The following ECM1 variants were observed in gnomAD, a reference collection of about 807,000 sequenced individuals.
ECM1 encodes secretory component p85.
Under a neutral mutation model 57.9 loss-of-function variants are expected in ECM1, and 54 were observed. The ratio of observed to expected loss-of-function variants is 0.93; its 90% CI spans 0.75 to 1.17. The LOEUF is 1.17. Ranked by LOEUF, ECM1 falls within the 50% of genes most tolerant of loss-of-function variation. ECM1 has a pLI of 0.00. For missense variants in ECM1, 649 were observed against 688.1 expected (o/e 0.94, Z 0.64); for synonymous variants, 237 against 259.1 (o/e 0.91, Z 0.82).
At chr1:150,510,276 C>A in intron 5 of ECM1, 94 bp downstream of exon 5, 1 of 1,176,628 alleles carries the variant, frequency 8.5e-7, no homozygotes, top group Non-Finnish European at 1.3e-6. Flanking sequence ...GGCTCTGCCA[C>A]TCACCAGTTG....
chr1:150,510,013 G>T lies in ECM1; in HGVS notation c.304+11G>T. On this transcript the variant is annotated intron_variant, in intron 4 of 9. Transcript: ENST00000369047. ...CTGCTGAAAAGGAAGGTGAGCGCTT[G>T]CCCACCCTCCCTCACCTCTATCCCA... The T allele has an allele frequency of 6.2e-7, 1 of 1,614,106 alleles. No homozygotes were observed. The highest frequency in any genetic ancestry group is 8.5e-7 in the Non-Finnish European group (1 of 1,180,000).
rs1250043173 is a variant in ECM1, at chr1:150,513,275, TA to T, written c.1433del (p.Asn478ThrfsTer12). On this transcript the variant is annotated frameshift_variant, in exon 10 of 10. Transcript: ENST00000369047. LOFTEE classifies it high-confidence loss of function. ...FINDLCGPRR[N>X]IWRDPALCCY... The stretch of plus-strand genomic sequence containing the variant: ...TCAATGATCTGTGTGGTCCCCGACG[TA>T]ACATCTGGCGAGACCCTGCCCTCTG... 1.2e-6 allele frequency: 2 copies of T among 1,614,110 alleles called. No homozygotes were observed. The highest frequency in any genetic ancestry group is 1.7e-6 in the Non-Finnish European group (2 of 1,180,038).
At position 150,511,480 on chromosome 1, in the gene ECM1, CTG is replaced by C. The variant is rs757039185; in HGVS notation, c.735_736del (p.Cys245Ter). The C allele has an allele frequency of 1.2e-6, 2 of 1,614,160 alleles. No homozygotes were observed. Among genetic ancestry groups the C allele is most frequent in the Non-Finnish European group, 8.5e-7 (1 of 1,179,994 alleles). On this transcript the variant is annotated frameshift_variant, in exon 7 of 10. Coordinates refer to ENST00000369047, the MANE Select transcript of ECM1 (RefSeq NM_004425.4). LOFTEE classifies it high-confidence loss of function. ...AGTGGGAGGAAGCAATGAGCCGATT[CTG>C]TGAGGCCGAGTTCTCGGTCAAGACC... ...LVWEEAMSRFCEAEFSVKTRP... is the reference protein window; with the variant it reads ...LVWEEAMSRFXEAEFSVKTRP...
Position 150,511,613 on chromosome 1 carries a change from C to T in ECM1, c.865C>T (p.Pro289Ser), listed in dbSNP as rs910060517. 1.3e-5 allele frequency: 21 copies of T among 1,614,184 alleles called. No homozygotes were observed. The highest frequency in any genetic ancestry group is 1.8e-5 in the Non-Finnish European group (21 of 1,180,034). Residue 289 changes from proline to serine, a missense_variant, in exon 7 of 10, where the codon CCT becomes TCT. Physicochemically the swap from Pro to Ser is moderately conservative, Grantham distance 74 (BLOSUM62 -1). Coordinates refer to ENST00000369047, the MANE Select transcript of ECM1 (RefSeq NM_004425.4). ...GCTCCGGGCCTGCCCCAGCCATCAG[C>T]CTGATATTTCCTCGGGTCTTGAGCT... ...YQLRACPSHQPDISSGLELPF... is the reference protein window; with the variant it reads ...YQLRACPSHQSDISSGLELPF...
chr1:150,511,879 C>A, intron 7 of ECM1, 48 bp downstream of exon 7: 1 of 1,561,918 alleles, frequency 6.4e-7, no homozygotes, highest in South Asian at 1.2e-5. Context: ...CCTGCCTGCC[C>A]ATCTTCGACC....
Position 150,510,119 on chromosome 1 carries a change from C to T in ECM1, c.322C>T (p.Gln108Ter). The T allele has an allele frequency of 6.2e-7, 1 of 1,614,128 alleles. No individual in the cohort carries two copies. The highest frequency in any genetic ancestry group is 1.1e-5 in the South Asian group (1 of 91,082). The change falls in exon 5 of 10, where the codon CAG becomes TAG. Residue 108 changes from glutamine (Q) to a stop codon, truncating the protein, a stop_gained. Coordinates refer to ENST00000369047, the MANE Select transcript of ECM1 (RefSeq NM_004425.4). LOFTEE classifies it high-confidence loss of function. ...AEKEVGPPLP[Q>*]EAVPLQKELP... ...TCTTGCAGTGGGTCCCCCTCTCCCTCAGGAAGCTGTCCCCCTCCAAAAAGA... is the reference window on the plus strand; with the variant it reads ...TCTTGCAGTGGGTCCCCCTCTCCCTTAGGAAGCTGTCCCCCTCCAAAAAGA...
chr1:150,510,597 T>C (rs1251538539), intron 5 of ECM1: 1 of 573,152 alleles, frequency 1.7e-6, no homozygotes, highest in Non-Finnish European at 3.1e-6. Flanking sequence ...TCCATCCTCC[T>C]GCCTTAGTGC....
chr1:150,511,384 C>A, intron 6 of ECM1, 73 bp from the exon 7 acceptor site: 1 of 1,611,608 alleles, frequency 6.2e-7, no homozygotes, highest in South Asian at 1.1e-5. Context: ...TCTGCCTGCC[C>A]AGTGTCCTTT....
At chr1:150,510,482 T>C (rs1224181229) in intron 5 of ECM1, 1 of 563,016 alleles carries the variant, frequency 1.8e-6, no homozygotes, top group Non-Finnish European at 3.2e-6. Context: ...CATCCCAACA[T>C]GGCTTTTGCT....
In ECM1 at chr1:150,510,950, G is replaced by A; in HGVS notation, c.460G>A (p.Asp154Asn). ...SWNAAQHCQQDRSQGGWGHRL... is the reference protein window; with the variant it reads ...SWNAAQHCQQNRSQGGWGHRL... ...GAATGCAGCCCAGCACTGCCAACAGGACCGGTCCCAAGGGGGCTGGGGCCA... is the reference window on the plus strand; with the variant it reads ...GAATGCAGCCCAGCACTGCCAACAGAACCGGTCCCAAGGGGGCTGGGGCCA... Residue 154 changes from aspartate (D) to asparagine (N), a missense_variant, in exon 6 of 10, where the codon GAC becomes AAC. Coordinates refer to ENST00000369047, the MANE Select transcript of ECM1 (RefSeq NM_004425.4). 1.2e-6 allele frequency: 2 copies of A among 1,614,158 alleles called. No individual in the cohort carries two copies. The highest frequency in any genetic ancestry group is 2.7e-5 in the African/African-American group (2 of 75,034).
In ECM1 at chr1:150,510,947, C is replaced by T; in HGVS notation, c.457C>T (p.Gln153Ter). Residue 153 changes from glutamine to a stop codon, truncating the protein, a stop_gained, in exon 6 of 10, where the codon CAG (glutamine) becomes TAG (stop). Coordinates refer to ENST00000369047, the MANE Select transcript of ECM1 (RefSeq NM_004425.4). LOFTEE classifies it high-confidence loss of function. ...ESWNAAQHCQ[Q>*]DRSQGGWGHR... ...CTGGAATGCAGCCCAGCACTGCCAA[C>T]AGGACCGGTCCCAAGGGGGCTGGGG... is the stretch of plus-strand genomic sequence containing the variant. The T allele has an allele frequency of 6.2e-7, 1 of 1,614,226 alleles. No homozygotes were observed. The highest frequency in any genetic ancestry group is 8.5e-7 in the Non-Finnish European group (1 of 1,180,042).
chr1:150,510,960 A>G lies in ECM1; in HGVS notation c.470A>G (p.Gln157Arg). 6.2e-7 allele frequency: 1 copy of G among 1,614,190 alleles called. No individual in the cohort carries two copies. The highest frequency in any genetic ancestry group is 8.5e-7 in the Non-Finnish European group (1 of 1,180,018). Residue 157 changes from glutamine (Q) to arginine (R), a missense_variant, in exon 6 of 10, where the codon CAA becomes CGA. Physicochemically the swap from Gln to Arg is conservative, Grantham distance 43. Transcript: ENST00000369047. ...AAQHCQQDRS[Q>R]GGWGHRLDGF... The stretch of plus-strand genomic sequence containing the variant: ...CAGCACTGCCAACAGGACCGGTCCC[A>G]AGGGGGCTGGGGCCACCGGCTGGAT...
At chr1:150,509,434 C>T in intron 1 of ECM1, 97 bp from the exon 2 acceptor site, 1 of 1,366,388 alleles carries the variant, frequency 7.3e-7, no homozygotes. Flanking sequence ...TCTTGCTTGT[C>T]TGTCCTACAC....
At chr1:150,509,377 G>A (rs1299216361) in intron 1 of ECM1, 154 bp from the exon 2 acceptor site, 2 of 786,010 alleles carry the variant, frequency 2.5e-6, no homozygotes, top group East Asian at 2.7e-5. Flanking sequence ...GGGGCTGGGA[G>A]AGGATTAGGG....
chr1:150,511,322 G>A, intron 6 of ECM1, 124 bp downstream of exon 6: 1 of 1,586,092 alleles, frequency 6.3e-7, no homozygotes, highest in East Asian at 2.2e-5. Flanking sequence ...GCCCTACCCT[G>A]GGCCTCCCCA....
chr1:150,509,182 C>G, intron 1 of ECM1: 1 of 406,602 alleles, frequency 2.5e-6, no homozygotes, highest in Non-Finnish European at 4.6e-6. Flanking sequence ...AGAGACGCAT[C>G]CCAGCAGAGA....
chr1:150,510,514 C>G, intron 5 of ECM1: 1 of 549,646 alleles, frequency 1.8e-6, no homozygotes, highest in East Asian at 3.2e-5. Context: ...CCCAGTAGAC[C>G]CACCTCTTCC....
Position 150,509,927 on chromosome 1 carries a change from C to T in ECM1, c.229C>T (p.Pro77Ser), listed in dbSNP as rs778140685. Residue 77 changes from proline to serine, a missense_variant, in exon 4 of 10, where the codon CCC (proline) becomes TCC (serine). By Grantham distance (74) the Pro-to-Ser change is moderately conservative. Coordinates refer to ENST00000369047, the MANE Select transcript of ECM1 (RefSeq NM_004425.4). ...ACACATTCCCCCTTCTATAGTGCAG[C>T]CCCCTCCCTCTCAGGAGGCCACCCC... The part of the protein sequence containing the change: ...PPFEGQSQVQ[P>S]PPSQEATPLQ... 3.4e-5 allele frequency: 55 copies of T among 1,613,544 alleles called. No individual in the cohort carries two copies. Among genetic ancestry groups the T allele is most frequent in the Admixed American group, 8.3e-5 (5 of 60,000 alleles).
In ECM1 at chr1:150,511,104, G is replaced by T; in HGVS notation, c.614G>T (p.Arg205Leu). 6.2e-7 allele frequency: 1 copy of T among 1,614,196 alleles called. No homozygotes were observed. Residue 205 changes from arginine to leucine, a missense_variant, in exon 6 of 10, where the codon CGC becomes CTC. By Grantham distance (102) the Arg-to-Leu change is moderately radical. Coordinates refer to ENST00000369047, the MANE Select transcript of ECM1 (RefSeq NM_004425.4). ...LPQSSYSHLT[R>L]QGETLNFLEI... is the part of the protein sequence containing the mutation. ...CAGTCCAGCTACTCCCACCTCACTCGCCAGGGTGAGACCCTCAATTTCCTG... is the reference window on the plus strand; with the variant it reads ...CAGTCCAGCTACTCCCACCTCACTCTCCAGGGTGAGACCCTCAATTTCCTG...
Sources: allele counts gnomAD v4.1 joint callset, GRCh38; gene constraint gnomAD v4.1.1; transcripts MANE v1.5; gene names NCBI Gene and HGNC (gene_info 2026-07-23, HGNC 2026-07-21).